The following ENTREP2 variants were observed in gnomAD, a reference collection of about 807,000 sequenced individuals.
The protein encoded by ENTREP2 is protein ENTREP2.
At chr15:29,596,126 G>C in the ENTREP2 span, among the ~76,000 whole-genome samples, 1 of 152,148 alleles carries the variant, frequency 6.6e-6, no homozygotes, top group Non-Finnish European at 1.5e-5. Flanking sequence ...TGGCAGAAGA[G>C]CAAAATATAT....
At chr15:29,149,384 T>C in the ENTREP2 span, among the ~76,000 whole-genome samples, 1 of 152,190 alleles carries the variant, frequency 6.6e-6, no homozygotes, top group Non-Finnish European at 1.5e-5. Flanking sequence ...TGGCATAAAC[T>C]AGTTAGGAAT....
chr15:29,356,610 T>C, the ENTREP2 span, among the ~76,000 whole-genome samples: 1 of 151,854 alleles, frequency 6.6e-6, no homozygotes, highest in Non-Finnish European at 1.5e-5. Context: ...TGGCCTGAAA[T>C]GTATTTTTTA....
the ENTREP2 span, among the ~76,000 whole-genome samples, chr15:29,659,148 C>G: frequency 6.6e-6 from 1 of 152,180 alleles, no homozygotes; most frequent in Non-Finnish European, 1.5e-5. Flanking sequence ...CATTTTCAGT[C>G]AGTAGGTGGT....
At chr15:29,654,110 A>C in the ENTREP2 span, among the ~76,000 whole-genome samples, 1 of 152,240 alleles carries the variant, frequency 6.6e-6, no homozygotes, top group East Asian at 1.9e-4. Flanking sequence ...CTTAAATATT[A>C]GACCCATCCA....
the ENTREP2 span, among the ~76,000 whole-genome samples, chr15:29,321,744 C>CA: frequency 6.7e-6 from 1 of 150,118 alleles, no homozygotes; most frequent in African/African-American, 2.5e-5. Context: ...AAGTGACCTG[C>CA]AAAAAATGTT....
the ENTREP2 span, among the ~76,000 whole-genome samples, chr15:29,138,401 C>G: frequency 6.6e-6 from 1 of 152,322 alleles, no homozygotes; most frequent in East Asian, 1.9e-4. Flanking sequence ...ATTGCTCCAG[C>G]TCCAGTCAAT....
At chr15:29,265,966 A>T in the ENTREP2 span, 1 of 152,256 alleles carries the variant, frequency 6.6e-6, no homozygotes, top group African/African-American at 2.4e-5. Context: ...AGCACTATAC[A>T]CAAATGTAGC....
chr15:29,554,997 G>A, the ENTREP2 span, among the ~76,000 whole-genome samples: 1 of 152,072 alleles, frequency 6.6e-6, no homozygotes, highest in Non-Finnish European at 1.5e-5. Flanking sequence ...TCATTCAATA[G>A]AGCACCATAA....
chr15:29,158,800 A>G, the ENTREP2 span, among the ~76,000 whole-genome samples: 2 of 151,900 alleles, frequency 1.3e-5, no homozygotes, highest in Admixed American at 1.3e-4. Flanking sequence ...TTTTGATGTT[A>G]TTAATGTTAT....
chr15:29,252,925 A>G, the ENTREP2 span, among the ~76,000 whole-genome samples: 1 of 152,196 alleles, frequency 6.6e-6, no homozygotes, highest in Non-Finnish European at 1.5e-5. Context: ...ACATGTGTCC[A>G]TCACCCAACA....
the ENTREP2 span, among the ~76,000 whole-genome samples, chr15:29,468,311 AAT>A: frequency 6.6e-6 from 1 of 152,210 alleles, no homozygotes; most frequent in South Asian, 2.1e-4. Context: ...CCTAAATGTG[AAT>A]GATTAAGAAA....
the ENTREP2 span, among the ~76,000 whole-genome samples, chr15:29,471,363 C>A: frequency 6.6e-6 from 1 of 152,248 alleles, no homozygotes; most frequent in African/African-American, 2.4e-5. Context: ...AGCGGCCCCT[C>A]GAGCTGCAGG....
the ENTREP2 span, among the ~76,000 whole-genome samples, chr15:29,135,133 G>T: frequency 6.7e-6 from 1 of 149,676 alleles, no homozygotes; most frequent in Non-Finnish European, 1.5e-5. This position sits in a 1 kb window ranked among gnomAD's most constrained non-coding sequence, Gnocchi z 7.4. Context: ...CCCCTCCCTG[G>T]TGAATCTGCA....
At chr15:29,459,339 GACATTTCCTGGGAGGGT>G in the ENTREP2 span, among the ~76,000 whole-genome samples, 1 of 152,142 alleles carries the variant, frequency 6.6e-6, no homozygotes, top group African/African-American at 2.4e-5. Flanking sequence ...TCGTTGGTGT[GACATTTCCTGGGAGGGT>G]ACATTTCCTG....
chr15:29,417,714 A>G, the ENTREP2 span, among the ~76,000 whole-genome samples: 1 of 152,100 alleles, frequency 6.6e-6, no homozygotes, highest in Non-Finnish European at 1.5e-5. Flanking sequence ...GCTGAAATAT[A>G]TATGTATGTA....
At chr15:29,137,155 C>T in the ENTREP2 span, 12 of 1,480,794 alleles carry the variant, frequency 8.1e-6, no homozygotes, top group African/African-American at 1.5e-5. Context: ...TGAGGAGTCA[C>T]GCAGGTGGGG....
At chr15:29,243,974 C>CT in the ENTREP2 span, among the ~76,000 whole-genome samples, 1 of 152,206 alleles carries the variant, frequency 6.6e-6, no homozygotes, top group Non-Finnish European at 1.5e-5. Context: ...TAAGATGAAA[C>CT]TGGACAAGGA....
At chr15:29,490,277 A>G in the ENTREP2 span, among the ~76,000 whole-genome samples, 1 of 152,208 alleles carries the variant, frequency 6.6e-6, no homozygotes, top group Non-Finnish European at 1.5e-5. Flanking sequence ...CCTCAGAAGC[A>G]AAGCTGCAGA....
At chr15:29,434,260 T>C in the ENTREP2 span, among the ~76,000 whole-genome samples, 3 of 152,230 alleles carry the variant, frequency 2.0e-5, no homozygotes, top group African/African-American at 7.2e-5. Flanking sequence ...TCATTGCCTC[T>C]GCTTTGGAAG....
Sources: allele counts gnomAD v4.1 joint callset (sites outside exome capture counted in the v4.1 genomes callset), GRCh38; gene constraint gnomAD v4.1.1; non-coding constraint Gnocchi (gnomAD v3.1); transcripts MANE v1.5; gene names NCBI Gene and HGNC (gene_info 2026-07-23, HGNC 2026-07-21).